Variants in PLCH2 observed in about 807,000 individuals in gnomAD.
PLCH2 encodes 1-phosphatidylinositol 4,5-bisphosphate phosphodiesterase eta-2.
A neutral mutation model predicts 134.7 loss-of-function variants in PLCH2; 98 were observed. That is an observed-to-expected ratio of 0.73 (90% CI 0.62 to 0.86). The LOEUF is 0.86. Among genes scored for constraint, PLCH2 ranks in the 40% least tolerant of loss-of-function variants. PLCH2 has a pLI of 0.00. For missense variants in PLCH2, 1,994 were observed against 1,986.6 expected, an observed-to-expected ratio of 1.00 and a Z score of -0.07; for synonymous variants, 974 against 827.5, an observed-to-expected ratio of 1.18 and a Z score of -3.04.
At chr1:2,425,102 G>A (rs1010896180), upstream of PLCH2, among the ~76,000 whole-genome samples, 1 of 150,720 alleles carries the variant, frequency 6.6e-6, no homozygotes, top group Middle Eastern at 3.5e-3. Context: ...GGCGGAGGCT[G>A]CAGTGAGCGG....
At chr1:2,416,048 G>T in the PLCH2 span, among the ~76,000 whole-genome samples, 2 of 152,230 alleles carry the variant, frequency 1.3e-5, no homozygotes. Flanking sequence ...CACCCAGTGC[G>T]GTGGGCAGCC....
chr1:2,482,906 C>G (rs916292051), intron 4 of PLCH2, among the ~76,000 whole-genome samples: 5 of 152,192 alleles, frequency 3.3e-5, no homozygotes, highest in African/African-American at 9.6e-5. Context: ...ATTAAGCTGT[C>G]CTGAGAGGCA....
chr1:2,442,321 T>A lies in PLCH2; in HGVS notation c.115+11692T>A, dbSNP rs547511527. On this transcript the variant is annotated intron_variant, in intron 2 of 3. Transcript: ENST00000609981. ...CCAGGACATGCACCTGTGTCTTCTG[T>A]CTCCTCTTCAGCCACTACGCCAGGG... is the stretch of plus-strand genomic sequence containing the variant. Among the ~76,000 whole-genome samples the A allele has an allele frequency of 2.0e-5, 3 of 152,150 alleles. No individual in the cohort carries two copies. In the South Asian group the frequency reaches 6.2e-4, roughly 32 times the overall value.
chr1:2,502,918 CCT>C, intron 21 of PLCH2: 6 of 717,196 alleles, frequency 8.4e-6, no homozygotes, highest in Non-Finnish European at 1.6e-5. Flanking sequence ...CCGGTAAGCC[CCT>C]CTTGCCCTGC....
At chr1:2,456,267 G>A (rs1000843687) in intron 2 of PLCH2, among the ~76,000 whole-genome samples, 4 of 152,158 alleles carry the variant, frequency 2.6e-5, no homozygotes, top group African/African-American at 7.2e-5. Flanking sequence ...CCTGGCTTCC[G>A]AGCGCAGCCC....
chr1:2,438,380 G>A (rs543609010), intron 2 of PLCH2, among the ~76,000 whole-genome samples: 1 of 152,310 alleles, frequency 6.6e-6, no homozygotes, highest in African/African-American at 2.4e-5. Flanking sequence ...ATGACTGTGA[G>A]GCCGAGGGGC....
Position 2,487,582 on chromosome 1 carries a change from G to T in PLCH2, c.1115-16G>T. 1 of 1,608,284 alleles carries T rather than the reference G, an allele frequency of 6.2e-7. No homozygotes were observed. The highest frequency in any genetic ancestry group is 1.3e-5 in the African/African-American group (1 of 74,982). ...GGCTAGGCCCCTGGGGCTGACCAAG[G>T]CCTGCCCGCCTGCAGTGGACTGCTG... On this transcript the variant is annotated splice_polypyrimidine_tract_variant and intron_variant, in intron 7 of 21. Transcript: ENST00000378486.
At chr1:2,445,976 C>T (rs1056862952) in intron 2 of PLCH2, among the ~76,000 whole-genome samples, 2 of 152,210 alleles carry the variant, frequency 1.3e-5, no homozygotes, top group African/African-American at 2.4e-5. Flanking sequence ...GAGCCTGGCC[C>T]GAGCCCCATG....
chr1:2,494,450 G>A (rs1191728207), intron 11 of PLCH2: 6 of 311,778 alleles, frequency 1.9e-5, no homozygotes, highest in Non-Finnish European at 3.1e-5. Context: ...TGGAATGCTC[G>A]TAAAAGGGTT....
upstream of PLCH2, among the ~76,000 whole-genome samples, chr1:2,473,747 G>A (rs768229582): frequency 1.3e-5 from 2 of 152,230 alleles, no homozygotes; most frequent in Non-Finnish European, 2.9e-5. Context: ...TCTGAGGACT[G>A]GGGAGCCCCA....
chr1:2,479,480 T>G (rs2100651276), intron 2 of PLCH2: 1 of 438,628 alleles, frequency 2.3e-6, no homozygotes, highest in East Asian at 3.8e-5. Flanking sequence ...GGGAGGTGGA[T>G]GCTCTCCCTC....
At chr1:2,441,392 G>A (rs1291331670) in intron 2 of PLCH2, among the ~76,000 whole-genome samples, 1 of 152,362 alleles carries the variant, frequency 6.6e-6, no homozygotes, top group Admixed American at 6.5e-5. Flanking sequence ...GAGCGTGGGG[G>A]CATGGGGGTG....
chr1:2,494,575 A>G, intron 11 of PLCH2: 1 of 555,968 alleles, frequency 1.8e-6, no homozygotes, highest in Non-Finnish European at 3.2e-6. Flanking sequence ...AACACATGAG[A>G]GACGCTGAGG....
At chr1:2,445,201 G>T (rs1378255142) in intron 2 of PLCH2, among the ~76,000 whole-genome samples, 1 of 152,126 alleles carries the variant, frequency 6.6e-6, no homozygotes, top group African/African-American at 2.4e-5. Flanking sequence ...GGTGTGCACT[G>T]GGCAAGTGGG....
chr1:2,487,108 G>A, intron 6 of PLCH2, 65 bp from the exon 7 acceptor site: 1 of 1,502,298 alleles, frequency 6.7e-7, no homozygotes, highest in Non-Finnish European at 9.0e-7. Flanking sequence ...TGGCATGGGG[G>A]CAGGTGGTCA....
At chr1:2,494,833 C>T (rs1259274799) in intron 11 of PLCH2, 23 bp from the exon 12 acceptor site, 1 of 1,548,202 alleles carries the variant, frequency 6.5e-7, no homozygotes, top group East Asian at 2.3e-5. Context: ...CTCACCTTGT[C>T]CCTGTCTCTC....
chr1:2,503,816 C>A (rs1643372474), intron 21 of PLCH2, 106 bp from the exon 22 acceptor site: 1 of 625,206 alleles, frequency 1.6e-6, no homozygotes, highest in East Asian at 2.7e-5. Context: ...GCACAGGGCA[C>A]CGGGGACACC....
chr1:2,442,626 G>A (rs1639743533), intron 2 of PLCH2, among the ~76,000 whole-genome samples: 2 of 152,234 alleles, frequency 1.3e-5, no homozygotes, highest in African/African-American at 4.8e-5. Context: ...TAGACCCAAA[G>A]AACAAAGTCC....
intron 11 of PLCH2, chr1:2,494,382 C>G (rs1642757086): frequency 5.4e-6 from 1 of 184,184 alleles, no homozygotes; most frequent in Non-Finnish European, 1.2e-5. Flanking sequence ...GGAGTGCCCA[C>G]CTGGAGCCGT....
Sources: allele counts gnomAD v4.1 joint callset (sites outside exome capture counted in the v4.1 genomes callset), GRCh38; gene constraint gnomAD v4.1.1; transcripts MANE v1.5; gene names NCBI Gene and HGNC (gene_info 2026-07-23, HGNC 2026-07-21).